DZIP1: variants seen among roughly 807,000 people sequenced by gnomAD.
DZIP1 encodes the protein DAZ interacting zinc finger protein 1, also known as cilium assembly protein DZIP1.
Under a neutral mutation model 107.6 loss-of-function variants are expected in DZIP1, and 97 were observed. That is an observed-to-expected ratio of 0.90 (90% CI 0.77 to 1.07). The LOEUF (loss-of-function observed/expected upper bound fraction) is 1.07. Among genes scored for constraint, DZIP1 ranks in the 50% least tolerant of loss-of-function variants. The probability of loss-of-function intolerance (pLI) is 0.00; values close to 1 mark genes in which losing one functional copy is unlikely to be tolerated. For missense variants in DZIP1, 1,035 were observed against 1,063.6 expected, an observed-to-expected ratio of 0.97 and a Z score of 0.37; for synonymous variants, 390 against 386.4, an observed-to-expected ratio of 1.01 and a Z score of -0.11.
At position 95,624,646 on chromosome 13, in the gene DZIP1, G is replaced by T; in HGVS notation, c.972+122C>A. ...TCTATGCCTCCCTCAAGACTCTCAGGGAGAAGAATGTCTGCACGAGGGTAA... is the reference window on the plus strand; with the variant it reads ...TCTATGCCTCCCTCAAGACTCTCAGTGAGAAGAATGTCTGCACGAGGGTAA... On this transcript the variant is annotated intron_variant, in intron 8 of 22. Coordinates refer to ENST00000376829, the MANE Select transcript of DZIP1 (RefSeq NM_198968.4). 1.4e-5 allele frequency: 12 copies of T among 879,042 alleles called. No homozygotes were observed. In the South Asian group the frequency reaches 1.6e-4, roughly 11 times the overall value. 54.5% of individuals were successfully genotyped at this position (879,042 alleles called of 1,614,324 possible). A position where few individuals can be genotyped will look rare whatever the true frequency, so the allele number is the denominator to read the frequency against.
In DZIP1 at chr13:95,642,185, C is replaced by A. The variant is rs1878615495; in HGVS notation, c.-156G>T. On this transcript the variant is annotated 5_prime_UTR_variant, in exon 4 of 23. Coordinates refer to ENST00000376829, the MANE Select transcript of DZIP1 (RefSeq NM_198968.4). ...GACGTTGCTATAGCAGCGCCCAGGT[C>A]CGGACCTGGAGCAAAGGGCGCGTCT... The A allele has an allele frequency of 6.9e-6, 7 of 1,013,516 alleles. No individual in the cohort carries two copies. 62.8% of individuals were successfully genotyped at this position (1,013,516 alleles called of 1,614,324 possible). A position where few individuals can be genotyped will look rare whatever the true frequency, so the allele number is the denominator to read the frequency against.
At chr13:95,621,447 CAT>C (rs1235073397) in intron 9 of DZIP1, among the ~76,000 whole-genome samples, 1 of 152,144 alleles carries the variant, frequency 6.6e-6, no homozygotes, top group Non-Finnish European at 1.5e-5. Context: ...AGGGAGGAAA[CAT>C]GTGAGCACTG....
chr13:95,598,248 C>A (rs996427781), intron 15 of DZIP1, among the ~76,000 whole-genome samples: 2 of 152,114 alleles, frequency 1.3e-5, no homozygotes, highest in African/African-American at 4.8e-5. Flanking sequence ...CAGTGCCAAA[C>A]ATGAACAACT....
At chr13:95,634,797 T>C (rs1290262472) in intron 5 of DZIP1, among the ~76,000 whole-genome samples, 3 of 152,224 alleles carry the variant, frequency 2.0e-5, no homozygotes, top group Non-Finnish European at 4.4e-5. Context: ...AAAAAACAAA[T>C]ATTCAACTAT....
At chr13:95,612,001 T>A in intron 11 of DZIP1, 36 bp downstream of exon 11, 1 of 1,605,420 alleles carries the variant, frequency 6.2e-7, no homozygotes, top group Non-Finnish European at 8.5e-7. Context: ...CTGCGTTGCT[T>A]AAAGAAGCAC....
intron 15 of DZIP1, among the ~76,000 whole-genome samples, chr13:95,594,628 C>T (rs1250305327): frequency 1.3e-5 from 2 of 151,976 alleles, no homozygotes; most frequent in Admixed American, 1.3e-4. Context: ...AGCGAGATCC[C>T]ATTTCAATTT....
intron 7 of DZIP1, 72 bp downstream of exon 7, chr13:95,629,917 T>C: frequency 6.8e-7 from 1 of 1,475,960 alleles, no homozygotes; most frequent in South Asian, 1.4e-5. Context: ...CCTCTGTTTA[T>C]TAGAGTCCAT....
At position 95,630,031 on chromosome 13, in the gene DZIP1, C is replaced by G; in HGVS notation, c.768G>C (p.Glu256Asp). ...LKEELQLTRS[E>D]LEAAHHASAV... is the part of the protein sequence containing the mutation. ...CACTGGCATGGTGTGCAGCCTCTAG[C>G]TCAGACCTGGTGAGCTGCAGCTCTT... Residue 256 changes from glutamate to aspartate, a missense_variant, in exon 7 of 23, where the codon GAG becomes GAC. By Grantham distance (45) the Glu-to-Asp change is conservative. Coordinates refer to ENST00000376829, the MANE Select transcript of DZIP1 (RefSeq NM_198968.4). 6.2e-7 allele frequency: 1 copy of G among 1,613,888 alleles called. No homozygotes were observed. The highest frequency in any genetic ancestry group is 1.3e-5 in the African/African-American group (1 of 75,050).
intron 14 of DZIP1, among the ~76,000 whole-genome samples, chr13:95,601,756 T>C (rs2044622342): frequency 6.6e-6 from 1 of 152,212 alleles, no homozygotes; most frequent in African/African-American, 2.4e-5. Flanking sequence ...TGGCACTCAC[T>C]GGGCTTGTCT....
At chr13:95,601,340 A>G (rs1447273837) in intron 14 of DZIP1, among the ~76,000 whole-genome samples, 2 of 152,144 alleles carry the variant, frequency 1.3e-5, no homozygotes, top group African/African-American at 4.8e-5. Context: ...TAGACTTCAA[A>G]CGTCCCAGAT....
chr13:95,579,940 G>C lies in DZIP1; in HGVS notation c.*2294C>G, dbSNP rs1280212316. 3 of 152,182 alleles carry C rather than the reference G, an allele frequency of 2.0e-5. No homozygotes were observed. Among genetic ancestry groups the C allele is most frequent in the Non-Finnish European group, 4.4e-5 (3 of 68,040 alleles). 9.4% of individuals were successfully genotyped at this position (152,182 alleles called of 1,614,324 possible). ...GAAGAATTTAGGGAGGGTGGGGGAT[G>C]AAGGTCTGTTAGTAACCAGAAACAC... On this transcript the variant is annotated 3_prime_UTR_variant, in exon 23 of 23. Coordinates refer to ENST00000376829, the MANE Select transcript of DZIP1 (RefSeq NM_198968.4).
intron 7 of DZIP1, 42 bp downstream of exon 7, chr13:95,629,947 C>T (rs1566422913): frequency 6.4e-7 from 1 of 1,552,584 alleles, no homozygotes; most frequent in Non-Finnish European, 8.7e-7. Flanking sequence ...GAATTACATA[C>T]AGTTAATTGT....
At chr13:95,639,624 GAGAA>G (rs904427275) in intron 5 of DZIP1, among the ~76,000 whole-genome samples, 4 of 145,824 alleles carry the variant, frequency 2.7e-5, no homozygotes, top group Admixed American at 6.8e-5. Context: ...GAGAGAGAAA[GAGAA>G]AGAAAGAAAA....
At position 95,579,631 on chromosome 13, in the gene DZIP1, TGTA is replaced by T. The variant is rs2043986711; in HGVS notation, c.*2600_*2602del. The T allele has an allele frequency of 1.3e-5, 2 of 152,128 alleles. No individual in the cohort carries two copies. Among genetic ancestry groups the T allele is most frequent in the South Asian group, 4.1e-4 (2 of 4,826 alleles). The allele number at this position is 152,128 out of a possible 1,614,324, so 9.4% of individuals were successfully genotyped here. The stretch of plus-strand genomic sequence containing the variant: ...CGATATGAATCACAACGTGGGTGAA[TGTA>T]GTATTTTCCTGAAGTGTGAAAGACT... On this transcript the variant is annotated 3_prime_UTR_variant, in exon 23 of 23. Coordinates refer to ENST00000376829, the MANE Select transcript of DZIP1 (RefSeq NM_198968.4).
chr13:95,620,865 C>T (rs116444749), intron 9 of DZIP1, among the ~76,000 whole-genome samples: 1,929 of 152,236 alleles, frequency 0.013, 42 homozygotes, highest in African/African-American at 0.044. Flanking sequence ...AGTTCATGAG[C>T]GACCAGCTGT....
In DZIP1 at chr13:95,589,912, T is replaced by C. The variant is rs1368212549; in HGVS notation, c.1864A>G (p.Met622Val). ...ACTTCTCCAGTTGAAAGGGTATCCA[T>C]TTGAGAAACACTGCACTGATCTGGA... Reference protein sequence around the residue: ...LSSDQCSVSQMDTLSTGEVPK... With the variant: ...LSSDQCSVSQVDTLSTGEVPK... The change falls in exon 18 of 23, where the codon ATG becomes GTG. Residue 622 changes from methionine to valine, a missense_variant. Transcript: ENST00000376829. 5.6e-6 allele frequency: 9 copies of C among 1,614,130 alleles called. No homozygotes were observed. Among genetic ancestry groups the C allele is most frequent in the Non-Finnish European group, 7.6e-6 (9 of 1,179,994 alleles).
intron 10 of DZIP1, among the ~76,000 whole-genome samples, chr13:95,617,214 A>G (rs1456320755): frequency 6.6e-6 from 1 of 151,770 alleles, no homozygotes; most frequent in African/African-American, 2.4e-5. Flanking sequence ...CCCAAAAAAA[A>G]AAGAAATAAG....
intron 14 of DZIP1, among the ~76,000 whole-genome samples, chr13:95,603,306 C>CAAAAAAAAAAAAA (rs34995131): frequency 1.0e-4 from 5 of 47,966 alleles, no homozygotes; most frequent in African/African-American, 3.4e-4. Context: ...TGCCCAGTCT[C>CAAAAAAAAAAAAA]AAAAAAAAAA....
At chr13:95,613,534 T>C (rs749032046) in intron 10 of DZIP1, among the ~76,000 whole-genome samples, 4 of 151,218 alleles carry the variant, frequency 2.6e-5, no homozygotes, top group Non-Finnish European at 5.9e-5. Flanking sequence ...GGCTTCATAA[T>C]TGGGGTGAAG....
Sources: gnomAD v4.1 joint callset for allele counts (sites outside exome capture counted in the v4.1 genomes callset) on GRCh38, gnomAD v4.1.1 for gene constraint, MANE v1.5 for transcripts, NCBI Gene and HGNC (gene_info 2026-07-23, HGNC 2026-07-21) for gene names.